FBXO27: variants seen among roughly 807,000 people sequenced by gnomAD.
The protein encoded by FBXO27 is F-box protein 27.
FBXO27 carries 28 observed loss-of-function variants against 28.3 expected under a neutral mutation model. The observed-to-expected ratio is 0.99, with a 90% confidence interval of 0.73 to 1.36. The LOEUF (loss-of-function observed/expected upper bound fraction) is 1.36, where lower values mean the gene tolerates loss of function less well. FBXO27 is among the 40% of genes most tolerant of loss of function. The pLI is 0.00. For synonymous variants in FBXO27, 175 were observed against 167.3 expected, an observed-to-expected ratio of 1.05 and a Z score of -0.36; for missense variants, 388 against 394.1, an observed-to-expected ratio of 0.98 and a Z score of 0.13.
chr19:39,016,123 G>A (rs373493038), intron 1 of FBXO27, among the ~76,000 whole-genome samples: 28 of 152,144 alleles, frequency 1.8e-4, no homozygotes, highest in African/African-American at 6.5e-4. Flanking sequence ...CTCTGGGGTT[G>A]AGGGAGGGAG....
chr19:39,019,270 A>G (rs2072833654), downstream of FBXO27, among the ~76,000 whole-genome samples: 2 of 148,908 alleles, frequency 1.3e-5, no homozygotes, highest in African/African-American at 5.0e-5. Context: ...AAAAATACAA[A>G]AAAACTTAGC....
chr19:39,030,664 G>T, intron 4 of FBXO27: 1 of 237,060 alleles, frequency 4.2e-6, no homozygotes. Flanking sequence ...TGTCGTCCAG[G>T]CTGGAGTGTA....
chr19:39,014,734 A>AAACAAACAAAC lies in FBXO27; in HGVS notation c.92-188_92-187insGTTTGTTTGTT, dbSNP rs1555757171. Reference sequence around the variant, plus strand: ...GAGTAAGACCCTGTCTAAAAACAAAAAAACAAACAAACAAACAAACAAAAA... The same window carrying AAACAAACAAAC: ...GAGTAAGACCCTGTCTAAAAACAAAAAACAAACAAACAAACAAACAAACAAACAAACAAAAA... On this transcript the variant is annotated intron_variant, in intron 1 of 2. Transcript: ENST00000598394. Among the ~76,000 whole-genome samples, 522 of 149,116 alleles carry AAACAAACAAAC rather than the reference A, an allele frequency of 3.5e-3. 4 individuals carry two copies. Among genetic ancestry groups the AAACAAACAAAC allele is most frequent in the African/African-American group, 0.012 (486 of 40,160 alleles).
In FBXO27 at chr19:39,025,313, A is replaced by T; in HGVS notation, c.*98T>A. 1 of 1,454,340 alleles carries T rather than the reference A, an allele frequency of 6.9e-7. No homozygotes were observed. The highest frequency in any genetic ancestry group is 9.3e-7 in the Non-Finnish European group (1 of 1,079,742). The allele number at this position is 1,454,340 out of a possible 1,614,324, so 90.1% of individuals were successfully genotyped here. A position where few individuals can be genotyped will look rare whatever the true frequency, so the allele number is the denominator to read the frequency against. ...CCCAGGAATTCTCAGTATGCCAGGG[A>T]GGTACAAGTGCTTGGTTGGTTAATG... On this transcript the variant is annotated 3_prime_UTR_variant, in exon 6 of 6. Coordinates refer to ENST00000292853, the MANE Select transcript of FBXO27 (RefSeq NM_178820.5).
At chr19:39,007,207 C>T (rs1021347522) in intron 2 of FBXO27, among the ~76,000 whole-genome samples, 3 of 152,154 alleles carry the variant, frequency 2.0e-5, no homozygotes, top group African/African-American at 7.2e-5. Flanking sequence ...GGTGTTCCAG[C>T]CTGGGCCTCC....
intron 2 of FBXO27, among the ~76,000 whole-genome samples, chr19:39,010,641 C>A (rs892340697): frequency 3.3e-5 from 5 of 152,302 alleles, no homozygotes; most frequent in East Asian, 3.9e-4. Flanking sequence ...GGTTATCCCC[C>A]GTCTCTTCCA....
chr19:39,032,167 C>T lies in FBXO27; in HGVS notation c.61G>A (p.Glu21Lys), dbSNP rs962963221. The T allele has an allele frequency of 2.4e-5, 36 of 1,523,758 alleles. No individual in the cohort carries two copies. The highest frequency in any genetic ancestry group is 2.6e-5 in the Non-Finnish European group (30 of 1,140,886). The allele number at this position is 1,523,758 out of a possible 1,614,324, so 94.4% of individuals were successfully genotyped here. Reference sequence around the variant, plus strand: ...AGTTGGCTCAGGTCCAGCGCCTCTTCGGGTTCCGGCTCCGGCGCGGGGACC... The same window carrying T: ...AGTTGGCTCAGGTCCAGCGCCTCTTTGGGTTCCGGCTCCGGCGCGGGGACC... ...ARVPAPEPEPEEALDLSQLPP... is the reference protein window; with the variant it reads ...ARVPAPEPEPKEALDLSQLPP... The change falls in exon 2 of 6, where the codon GAA (glutamate) becomes AAA (lysine). Residue 21 changes from glutamate to lysine, a missense_variant. By Grantham distance (56) the Glu-to-Lys change is moderately conservative. Coordinates refer to ENST00000292853, the MANE Select transcript of FBXO27 (RefSeq NM_178820.5). The surrounding 1 kb of genome is among the most constrained non-coding windows in gnomAD (Gnocchi z 4.7).
chr19:39,012,345 C>T lies in FBXO27; in HGVS notation c.252+2042G>A, dbSNP rs149024630. Among the ~76,000 whole-genome samples the T allele has an allele frequency of 4.2e-3, 630 of 151,766 alleles. 7 individuals carry two copies. The highest frequency in any genetic ancestry group is 0.014 in the African/African-American group (589 of 41,424). On this transcript the variant is annotated intron_variant, in intron 2 of 2. Transcript: ENST00000598394. ...GATTACAGGCATGGGCAACCACGCCCGACCCATTTTGTATTTTTAATAGAG... is the reference window on the plus strand; with the variant it reads ...GATTACAGGCATGGGCAACCACGCCTGACCCATTTTGTATTTTTAATAGAG...
chr19:39,030,985 G>T, intron 4 of FBXO27, 44 bp downstream of exon 4: 2 of 1,508,318 alleles, frequency 1.3e-6, no homozygotes, highest in Non-Finnish European at 1.8e-6. Flanking sequence ...CATGTCACAT[G>T]CAGTCAGTGC....
downstream of FBXO27, among the ~76,000 whole-genome samples, chr19:39,020,772 A>AAAAAAAAAAAAC (rs2072841566): frequency 1.4e-5 from 2 of 143,826 alleles, no homozygotes; most frequent in Non-Finnish European, 3.0e-5. Context: ...AAAAAAAAAA[A>AAAAAAAAAAAAC]GGTAGGGGGT....
intron 2 of FBXO27, among the ~76,000 whole-genome samples, chr19:39,014,082 A>T (rs1239464058): frequency 6.6e-6 from 1 of 152,198 alleles, no homozygotes; most frequent in African/African-American, 2.4e-5. Context: ...AGCATCCATG[A>T]TGTTTTCAGT....
chr19:39,007,070 AAAAAAAAAT>A (rs1008077438), intron 2 of FBXO27, among the ~76,000 whole-genome samples: 6 of 150,054 alleles, frequency 4.0e-5, no homozygotes, highest in Admixed American at 6.7e-5. Context: ...AAAAAAAAAA[AAAAAAAAAT>A]ACAGAAAAGT....
chr19:39,019,084 AG>A (rs757624162), downstream of FBXO27, among the ~76,000 whole-genome samples: 14,753 of 137,760 alleles, frequency 0.11, 966 homozygotes, highest in African/African-American at 0.14. Context: ...AAAAAAAAAA[AG>A]AAAGAAAGAA....
At chr19:39,020,856 A>AT (rs557932814), downstream of FBXO27, among the ~76,000 whole-genome samples, 48 of 145,754 alleles carry the variant, frequency 3.3e-4, no homozygotes, top group African/African-American at 6.0e-4. Context: ...TTAACAGAAG[A>AT]TTTTTTTTTT....
intron 2 of FBXO27, 26 bp downstream of exon 2, chr19:39,031,838 C>T (rs1213185733): frequency 1.4e-6 from 2 of 1,463,402 alleles, no homozygotes; most frequent in Non-Finnish European, 1.8e-6. Flanking sequence ...GCCCAGCATC[C>T]TGGACTTCCT....
At chr19:39,011,546 A>C (rs537270382) in intron 2 of FBXO27, among the ~76,000 whole-genome samples, 2 of 152,202 alleles carry the variant, frequency 1.3e-5, no homozygotes, top group East Asian at 3.8e-4. Context: ...GTATCTATTT[A>C]TTTAGCTCTT....
At chr19:39,015,541 C>T (rs993343570) in intron 1 of FBXO27, among the ~76,000 whole-genome samples, 4 of 151,552 alleles carry the variant, frequency 2.6e-5, no homozygotes, top group Non-Finnish European at 2.9e-5. Flanking sequence ...GCAGGAGGCT[C>T]GCTTGAGCCC....
chr19:39,018,129 C>T (rs1261184157), intron 1 of FBXO27, among the ~76,000 whole-genome samples: 2 of 152,020 alleles, frequency 1.3e-5, no homozygotes, highest in Admixed American at 6.6e-5. Context: ...TACAGGTGCC[C>T]GCCACCATGC....
intron 4 of FBXO27, among the ~76,000 whole-genome samples, chr19:39,028,746 C>T (rs1252391284): frequency 2.0e-5 from 3 of 151,984 alleles, no homozygotes; most frequent in African/African-American, 4.8e-5. Context: ...ACCTGCAATC[C>T]GAGCTACTGG....
Sources: gnomAD v4.1 joint callset for allele counts (sites outside exome capture counted in the v4.1 genomes callset) on GRCh38, gnomAD v4.1.1 for gene constraint, Gnocchi (gnomAD v3.1) non-coding constraint, MANE v1.5 for transcripts, NCBI Gene and HGNC (gene_info 2026-07-23, HGNC 2026-07-21) for gene names.